Variants in CNTNAP2 observed in about 807,000 individuals in gnomAD.
The protein encoded by CNTNAP2 is contactin-associated protein-like 2.
A neutral mutation model predicts 155.2 loss-of-function variants in CNTNAP2; 98 were observed. That is an observed-to-expected ratio of 0.63 (90% CI 0.54 to 0.75). CNTNAP2 has a LOEUF of 0.75. Ranked by LOEUF, CNTNAP2 falls within the 30% of genes least tolerant of loss-of-function variation. CNTNAP2 has a pLI of 0.00. For synonymous variants in CNTNAP2, 651 were observed against 631.2 expected, an observed-to-expected ratio of 1.03 and a Z score of -0.47; for missense variants, 1,727 against 1,688.1, an observed-to-expected ratio of 1.02 and a Z score of -0.40.
intron 11 of CNTNAP2, among the ~76,000 whole-genome samples, chr7:147,507,699 T>C (rs1798934073): frequency 1.3e-5 from 2 of 151,592 alleles, no homozygotes; most frequent in South Asian, 4.2e-4. Flanking sequence ...ACTACAGGTG[T>C]CTGCCACCAC....
At chr7:147,590,036 A>C (rs944739114) in intron 12 of CNTNAP2, among the ~76,000 whole-genome samples, 1 of 152,178 alleles carries the variant, frequency 6.6e-6, no homozygotes, top group Non-Finnish European at 1.5e-5. Context: ...TGTAGGTAAA[A>C]GTAGCCACAG....
intron 13 of CNTNAP2, among the ~76,000 whole-genome samples, chr7:147,733,291 T>G (rs961004584): frequency 1.3e-5 from 2 of 152,188 alleles, no homozygotes; most frequent in Admixed American, 6.5e-5. Context: ...TTTCCCCATT[T>G]CTTGTTTTTG....
intron 1 of CNTNAP2, among the ~76,000 whole-genome samples, chr7:146,340,088 G>A (rs1246789120): frequency 6.9e-6 from 1 of 145,936 alleles, no homozygotes; most frequent in East Asian, 2.0e-4. Flanking sequence ...AGAATGGCGT[G>A]AACCCGGGAG....
At chr7:147,928,181 T>A (rs1338670388) in intron 14 of CNTNAP2, among the ~76,000 whole-genome samples, 6 of 152,162 alleles carry the variant, frequency 3.9e-5, no homozygotes, top group Non-Finnish European at 7.4e-5. Context: ...TCCCTAGCCA[T>A]GTGAAACTGT....
At chr7:147,180,883 G>T (rs927924116) in intron 8 of CNTNAP2, among the ~76,000 whole-genome samples, 3 of 152,050 alleles carry the variant, frequency 2.0e-5, no homozygotes, top group Non-Finnish European at 4.4e-5. Flanking sequence ...AAAGAATACA[G>T]AGAAAACATT....
intron 23 of CNTNAP2, among the ~76,000 whole-genome samples, chr7:148,413,573 A>G (rs1799905295): frequency 6.6e-6 from 1 of 150,548 alleles, no homozygotes; most frequent in South Asian, 2.1e-4. Flanking sequence ...TTGGTCTAAT[A>G]TCATTAGGTA....
chr7:148,347,269 A>C (rs1457369002), intron 21 of CNTNAP2, among the ~76,000 whole-genome samples: 1 of 152,060 alleles, frequency 6.6e-6, no homozygotes, highest in Non-Finnish European at 1.5e-5. Context: ...AAAAAAAAAA[A>C]AGAGAAAACA....
chr7:146,910,542 C>T (rs994569702), intron 3 of CNTNAP2, among the ~76,000 whole-genome samples: 34 of 151,412 alleles, frequency 2.2e-4, no homozygotes, highest in Admixed American at 1.6e-3. Flanking sequence ...CTGAGAAAAA[C>T]AAGCATTGGG....
chr7:147,298,487 C>T (rs1282234100), intron 8 of CNTNAP2, among the ~76,000 whole-genome samples: 1 of 150,636 alleles, frequency 6.6e-6, no homozygotes, highest in Non-Finnish European at 1.5e-5. Context: ...TAAAAAAAAC[C>T]CACAAAACCC....
At chr7:146,921,371 G>T (rs1585158593) in intron 3 of CNTNAP2, among the ~76,000 whole-genome samples, 2 of 152,200 alleles carry the variant, frequency 1.3e-5, no homozygotes, top group African/African-American at 4.8e-5. Flanking sequence ...CAGGCAGATG[G>T]ATCTGCAAGT....
At chr7:147,359,333 C>G (rs1796111523) in intron 9 of CNTNAP2, among the ~76,000 whole-genome samples, 1 of 152,110 alleles carries the variant, frequency 6.6e-6, no homozygotes, top group South Asian at 2.1e-4. Context: ...CTGTCCCGAG[C>G]CCCTATAGCT....
chr7:147,461,552 G>A (rs1225019930), intron 10 of CNTNAP2, among the ~76,000 whole-genome samples: 5 of 151,536 alleles, frequency 3.3e-5, no homozygotes, highest in African/African-American at 9.7e-5. Flanking sequence ...TAACAAAACC[G>A]ATTTTCATTG....
chr7:148,029,114 C>T (rs1265603784), intron 15 of CNTNAP2, among the ~76,000 whole-genome samples: 1 of 152,154 alleles, frequency 6.6e-6, no homozygotes, highest in Admixed American at 6.5e-5. Flanking sequence ...CACTTTTAAC[C>T]TCTCTTAGGA....
At chr7:146,928,366 T>C (rs544047157) in intron 3 of CNTNAP2, among the ~76,000 whole-genome samples, 14 of 152,314 alleles carry the variant, frequency 9.2e-5, no homozygotes, top group Non-Finnish European at 1.6e-4. Context: ...TATGTTTCCA[T>C]GGCAAAATTT....
intron 6 of CNTNAP2, among the ~76,000 whole-genome samples, chr7:147,127,045 A>G (rs993564805): frequency 6.6e-6 from 1 of 152,210 alleles, no homozygotes; most frequent in Admixed American, 6.5e-5. Context: ...ATAATATTAA[A>G]CATTGACGGT....
In CNTNAP2 at chr7:147,469,999, G is replaced by A. The variant is rs151136665; in HGVS notation, c.1671-15936G>A. Among the ~76,000 whole-genome samples, 249 of 152,304 alleles carry A rather than the reference G, an allele frequency of 1.6e-3. 1 individual carries two copies. Among genetic ancestry groups the A allele is most frequent in the African/African-American group, 5.6e-3 (234 of 41,570 alleles). ...CACTGGAAGAATAGCAAAGATGGCC[G>A]TTGTGGACAAGGCAGAGTGAGCAGG... is the stretch of plus-strand genomic sequence containing the variant. On this transcript the variant is annotated intron_variant, in intron 10 of 23. Transcript: ENST00000361727.
chr7:148,024,157 T>G (rs1171391871), intron 15 of CNTNAP2, among the ~76,000 whole-genome samples: 1 of 107,630 alleles, frequency 9.3e-6, no homozygotes, highest in East Asian at 3.4e-4. Flanking sequence ...CTTTAAAGTG[T>G]AAAAAAAAAA....
chr7:147,953,083 T>C (rs548678586), intron 14 of CNTNAP2, among the ~76,000 whole-genome samples: 4 of 152,240 alleles, frequency 2.6e-5, no homozygotes, highest in Non-Finnish European at 5.9e-5. Flanking sequence ...AATGGTCATG[T>C]ATAGTGTACT....
At chr7:147,346,148 A>T (rs199498670) in intron 9 of CNTNAP2, among the ~76,000 whole-genome samples, 792 of 21,832 alleles carry the variant, frequency 0.036, 12 homozygotes, top group African/African-American at 0.19. Context: ...ATTTTATTTT[A>T]TTTTATTTTT....
Sources: gnomAD v4.1 joint callset for allele counts (sites outside exome capture counted in the v4.1 genomes callset) on GRCh38, gnomAD v4.1.1 for gene constraint, MANE v1.5 for transcripts, NCBI Gene and HGNC (gene_info 2026-07-23, HGNC 2026-07-21) for gene names.